The following PTGR2 variants were observed in gnomAD, a reference collection of about 807,000 sequenced individuals.
The protein encoded by PTGR2 is 15-oxoprostaglandin 13-reductase.
Under a neutral mutation model 43.4 loss-of-function variants are expected in PTGR2, and 32 were observed. That is an observed-to-expected ratio of 0.74 (90% CI 0.56 to 0.99). The LOEUF is 0.99. Among genes scored for constraint, PTGR2 ranks in the 50% least tolerant of loss-of-function variants. PTGR2 has a pLI of 0.00. For synonymous variants in PTGR2, 106 were observed against 139.2 expected (o/e 0.76, Z 1.68); for missense variants, 373 against 420.0 (o/e 0.89, Z 0.98).
Position 73,880,139 on chromosome 14 carries a change from G to A in PTGR2, c.814G>A (p.Ala272Thr). The A allele has an allele frequency of 1.2e-6, 2 of 1,613,938 alleles. No homozygotes were observed. The highest frequency in any genetic ancestry group is 1.7e-6 in the Non-Finnish European group (2 of 1,179,892). ...DVPYPPPLSP[A>T]IEAIQKERNI... ...GCCTTATCCTCCCCCGCTATCCCCT[G>A]CTATAGAGGCAATCCAGAAAGAAAG... Residue 272 changes from alanine (A) to threonine (T), a missense_variant, in exon 7 of 10, where the codon GCT becomes ACT. Physicochemically the swap from Ala to Thr is moderately conservative, Grantham distance 58 (BLOSUM62 0). Transcript: ENST00000555661.
chr14:73,881,106 T>C (rs1010342516), intron 7 of PTGR2, 99 bp from the exon 8 acceptor site: 4 of 725,034 alleles, frequency 5.5e-6, no homozygotes, highest in Non-Finnish European at 9.8e-6. Context: ...GTCCTAATAT[T>C]TTAAGGATTA....
intron 1 of PTGR2, chr14:73,852,151 A>C (rs2140221295): frequency 6.6e-6 from 1 of 152,286 alleles, no homozygotes; most frequent in Admixed American, 6.5e-5. Flanking sequence ...TTACTGGGGG[A>C]AAGCAACCTG....
chr14:73,880,274 T>G (rs1304667131), intron 7 of PTGR2, 98 bp downstream of exon 7: 1 of 1,467,422 alleles, frequency 6.8e-7, no homozygotes, highest in African/African-American at 1.4e-5. Context: ...ACTTTTTCTT[T>G]ATTAAATAAA....
At chr14:73,878,173 A>G (rs2054905966) in intron 5 of PTGR2, 1 of 152,178 alleles carries the variant, frequency 6.6e-6, no homozygotes, top group African/African-American at 2.4e-5. Context: ...TTATAAAAGT[A>G]CATCCTTTTA....
intron 3 of PTGR2, among the ~76,000 whole-genome samples, chr14:73,872,404 A>G (rs1279984239): frequency 6.6e-6 from 1 of 152,200 alleles, no homozygotes; most frequent in Middle Eastern, 3.2e-3. Flanking sequence ...TGTTTTCCAT[A>G]AAAAATAGTT....
At chr14:73,859,475 T>C (rs1211646248) in intron 2 of PTGR2, among the ~76,000 whole-genome samples, 7 of 152,076 alleles carry the variant, frequency 4.6e-5, no homozygotes, top group Non-Finnish European at 1.0e-4. Context: ...ATTAAACATA[T>C]CTGAATATGA....
At chr14:73,858,733 G>A (rs1331703511) in intron 1 of PTGR2, 83 bp from the exon 2 acceptor site, 10 of 587,356 alleles carry the variant, frequency 1.7e-5, no homozygotes, top group Non-Finnish European at 2.8e-5. Flanking sequence ...CCTCTTCATT[G>A]GGAAACACAA....
intron 1 of PTGR2, 30 bp from the exon 2 acceptor site, chr14:73,858,786 C>A: frequency 8.9e-7 from 1 of 1,123,768 alleles, no homozygotes; most frequent in African/African-American, 1.6e-5. Flanking sequence ...TACTTCAAAT[C>A]TTGTGATTTA....
In PTGR2 at chr14:73,884,431, T is replaced by G. The variant is rs2055077807; in HGVS notation, c.*254T>G. On this transcript the variant is annotated 3_prime_UTR_variant, in exon 10 of 10. Coordinates refer to ENST00000555661, the MANE Select transcript of PTGR2 (RefSeq NM_001146154.2). ...GCTTGAGAGGCACTTTGTAAAGATT[T>G]GTTAAACTGGAAACGTTTTACATGA... The G allele has an allele frequency of 3.8e-6, 1 of 261,638 alleles. No homozygotes were observed. Among genetic ancestry groups the G allele is most frequent in the Non-Finnish European group, 7.1e-6 (1 of 141,632 alleles). The allele number at this position is 261,638 out of a possible 1,614,324, so 16.2% of individuals were successfully genotyped here.
rs757159383 is a variant in PTGR2 at position 73,874,076 on chromosome 14, A to G, written c.210A>G (p.Leu70=). 15 of 1,613,708 alleles carry G rather than the reference A, an allele frequency of 9.3e-6. No homozygotes were observed. In the African/African-American group the frequency reaches 2.0e-4, roughly 22 times the overall value. Residue 70 remains leucine (L), a synonymous_variant, in exon 4 of 10, where the codon CTA becomes CTG. Coordinates refer to ENST00000555661, the MANE Select transcript of PTGR2 (RefSeq NM_001146154.2). Reference sequence around the variant, plus strand: ...CTGATTATATAACACCTTGGCAGCTATCTCAAGTCGTTGATGGAGGAGGTA... The same window carrying G: ...CTGATTATATAACACCTTGGCAGCTGTCTCAAGTCGTTGATGGAGGAGGTA... ...TGTDYITPWQ[L]SQVVDGGGIG...
intron 3 of PTGR2, among the ~76,000 whole-genome samples, chr14:73,863,242 C>G (rs1566636255): frequency 1.3e-5 from 2 of 152,130 alleles, no homozygotes; most frequent in Admixed American, 6.5e-5. Context: ...CAGTAATCTA[C>G]TTTTTGTTCC....
chr14:73,859,942 G>A (rs931523349), intron 2 of PTGR2, among the ~76,000 whole-genome samples: 1 of 150,460 alleles, frequency 6.6e-6, no homozygotes, highest in Admixed American at 6.6e-5. Context: ...TCCACCTCCC[G>A]GGTTCAAGCG....
Position 73,878,260 on chromosome 14 carries a change from C to G in PTGR2, c.520-836C>G, listed in dbSNP as rs141260179. 2.0e-5 allele frequency: 3 copies of G among 152,224 alleles called. No individual in the cohort carries two copies. In the East Asian group the frequency reaches 5.8e-4, roughly 29 times the overall value. 9.4% of individuals were successfully genotyped at this position (152,224 alleles called of 1,614,324 possible). On this transcript the variant is annotated intron_variant, in intron 5 of 9. Transcript: ENST00000555661. Reference sequence around the variant, plus strand: ...AGCTGTGATTTTAGTTCGCCACAAGCTTGAAAAATAATGAATTGCACGTGA... The same window carrying G: ...AGCTGTGATTTTAGTTCGCCACAAGGTTGAAAAATAATGAATTGCACGTGA...
chr14:73,860,644 T>C lies in PTGR2; in HGVS notation c.143T>C (p.Val48Ala), dbSNP rs2054468317. 7.1e-7 allele frequency: 1 copy of C among 1,405,386 alleles called. No homozygotes were observed. Among genetic ancestry groups the C allele is most frequent in the Non-Finnish European group, 1.0e-6 (1 of 1,004,006 alleles). The allele number at this position is 1,405,386 out of a possible 1,614,324, so 87.1% of individuals were successfully genotyped here. The change falls in exon 3 of 10, where the codon GTG becomes GCG. Residue 48 changes from valine to alanine, a missense_variant. Val to Ala is a moderately conservative substitution (Grantham distance 64). Coordinates refer to ENST00000555661, the MANE Select transcript of PTGR2 (RefSeq NM_001146154.2). ...QVQVRTLYLS[V>A]DPYMRCRMNE... Reference sequence around the variant, plus strand: ...CAAGTTAGAACTCTTTATCTTTCTGTGGATCCTTACATGGTAAGAATCAGG... The same window carrying C: ...CAAGTTAGAACTCTTTATCTTTCTGCGGATCCTTACATGGTAAGAATCAGG...
intron 1 of PTGR2, among the ~76,000 whole-genome samples, chr14:73,853,259 A>G (rs2054271904): frequency 6.6e-6 from 1 of 152,142 alleles, no homozygotes; most frequent in Non-Finnish European, 1.5e-5. Flanking sequence ...TATGGGTTCT[A>G]GCGTTATTAC....
chr14:73,876,483 C>CTTTTTTTTTTGTT (rs2054867870), intron 4 of PTGR2, among the ~76,000 whole-genome samples: 1 of 108,566 alleles, frequency 9.2e-6, no homozygotes, highest in East Asian at 3.1e-4. Flanking sequence ...GACATAAGTC[C>CTTTTTTTTTTGTT]TTTTTTTTTT....
intron 1 of PTGR2, among the ~76,000 whole-genome samples, chr14:73,853,701 T>C (rs1215306339): frequency 6.6e-6 from 1 of 152,096 alleles, no homozygotes; most frequent in Non-Finnish European, 1.5e-5. Flanking sequence ...GGGAGGTGGT[T>C]TAAACAGGCT....
chr14:73,857,664 G>GTTTTTTT lies in PTGR2; in HGVS notation c.-47-1136_-47-1130dup, dbSNP rs1213963564. ...ATTACATGTCAATTAAGCAGTTAGTGTTTTTTTTTTTTTTTTTTTTTTGAG... is the reference window on the plus strand; with the variant it reads ...ATTACATGTCAATTAAGCAGTTAGTGTTTTTTTTTTTTTTTTTTTTTTTTTTTTTGAG... On this transcript the variant is annotated intron_variant, in intron 1 of 9. Coordinates refer to ENST00000555661, the MANE Select transcript of PTGR2 (RefSeq NM_001146154.2). 4.9e-3 allele frequency among the ~76,000 whole-genome samples: 314 copies of GTTTTTTT among 64,714 alleles called. 60 individuals carry two copies. Among genetic ancestry groups the GTTTTTTT allele is most frequent in the African/African-American group, 0.016 (259 of 16,070 alleles). 42.5% of individuals were successfully genotyped at this position (64,714 alleles called of 152,430 possible).
rs1053118987 is a variant in PTGR2, at chr14:73,885,715, T to C, written c.*1538T>C. 1 of 151,506 alleles carries C rather than the reference T, an allele frequency of 6.6e-6. No individual in the cohort carries two copies. Among genetic ancestry groups the C allele is most frequent in the Non-Finnish European group, 1.5e-5 (1 of 67,988 alleles). The allele number at this position is 151,506 out of a possible 1,614,324, so 9.4% of individuals were successfully genotyped here. On this transcript the variant is annotated 3_prime_UTR_variant, in exon 10 of 10. Transcript: ENST00000555661. The stretch of plus-strand genomic sequence containing the variant: ...CTGGACCTTTACCTCCAAGTAAATA[T>C]CCTCAACTCTGGATTGCATCTTATA...
Sources: allele counts gnomAD v4.1 joint callset (sites outside exome capture counted in the v4.1 genomes callset), GRCh38; gene constraint gnomAD v4.1.1; transcripts MANE v1.5; gene names NCBI Gene and HGNC (gene_info 2026-07-23, HGNC 2026-07-21).